Variants in SNTG2 observed in about 807,000 individuals in gnomAD.
SNTG2 encodes the protein gamma-2-syntrophin.
Under a neutral mutation model 70.9 loss-of-function variants are expected in SNTG2, and 74 were observed. The observed-to-expected ratio is 1.04, with a 90% CI of 0.86 to 1.27. The LOEUF (loss-of-function observed/expected upper bound fraction) is 1.27. SNTG2 is among the 50% of genes most tolerant of loss of function. The pLI, the probability that SNTG2 is intolerant of heterozygous loss-of-function variation, is 0.00. For synonymous variants in SNTG2, 278 were observed against 273.8 expected (o/e 1.02, Z -0.15); for missense variants, 717 against 690.7 (o/e 1.04, Z -0.43).
intron 14 of SNTG2, among the ~76,000 whole-genome samples, chr2:1,302,930 C>G (rs1311600436): frequency 6.6e-6 from 1 of 151,964 alleles, no homozygotes; most frequent in Non-Finnish European, 1.5e-5. Context: ...CTCAGTCCAC[C>G]GGGAAGACCC....
chr2:1,054,223 G>A (rs1452842043), intron 1 of SNTG2, among the ~76,000 whole-genome samples: 1 of 152,022 alleles, frequency 6.6e-6, no homozygotes, highest in East Asian at 1.9e-4. Context: ...TCAGGTGGTG[G>A]AAATTGGCCC....
intron 1 of SNTG2, among the ~76,000 whole-genome samples, chr2:971,072 A>G (rs185020325): frequency 6.6e-6 from 1 of 152,214 alleles, no homozygotes; most frequent in Non-Finnish European, 1.5e-5. Flanking sequence ...GGACTTTTGC[A>G]TCTATGTTCA....
At chr2:965,552 C>CTGGTCCTCTTCTG (rs774062961) in intron 1 of SNTG2, among the ~76,000 whole-genome samples, 1,819 of 146,912 alleles carry the variant, frequency 0.012, 36 homozygotes, top group African/African-American at 0.047. Flanking sequence ...CCTTGACCCC[C>CTGGTCCTCTTCTG]TGGTCCTCTT....
At chr2:1,014,430 G>A (rs1401052236) in intron 1 of SNTG2, among the ~76,000 whole-genome samples, 1 of 95,794 alleles carries the variant, frequency 1.0e-5, no homozygotes, top group Non-Finnish European at 2.4e-5. Flanking sequence ...TCTGGAGAGG[G>A]ATTTATATGG....
At chr2:1,301,079 C>T (rs562455516) in intron 14 of SNTG2, among the ~76,000 whole-genome samples, 1 of 152,152 alleles carries the variant, frequency 6.6e-6, no homozygotes, top group South Asian at 2.1e-4. Flanking sequence ...GGCTTTAGAC[C>T]TGCCGAGCTC....
At chr2:1,350,199 G>C (rs1660504854) in intron 16 of SNTG2, among the ~76,000 whole-genome samples, 1 of 152,102 alleles carries the variant, frequency 6.6e-6, no homozygotes, top group Non-Finnish European at 1.5e-5. Flanking sequence ...TTAATGTGTG[G>C]TGATTCCTCA....
intron 1 of SNTG2, among the ~76,000 whole-genome samples, chr2:1,074,258 A>G (rs1002778919): frequency 1.3e-5 from 2 of 152,180 alleles, no homozygotes; most frequent in African/African-American, 4.8e-5. Context: ...GGGTAGGAAC[A>G]CTGCCAAGTA....
chr2:1,083,897 C>A (rs1664509694), intron 2 of SNTG2, among the ~76,000 whole-genome samples: 1 of 152,138 alleles, frequency 6.6e-6, no homozygotes, highest in Non-Finnish European at 1.5e-5. Flanking sequence ...TAAAAAATAG[C>A]CCCAATCCTG....
intron 1 of SNTG2, among the ~76,000 whole-genome samples, chr2:970,567 T>C (rs1236257537): frequency 6.9e-6 from 1 of 144,656 alleles, no homozygotes; most frequent in East Asian, 2.0e-4. Flanking sequence ...TGATTTCCAA[T>C]TTCATCCATG....
intron 1 of SNTG2, among the ~76,000 whole-genome samples, chr2:1,002,569 C>T (rs1278573232): frequency 6.6e-6 from 1 of 151,176 alleles, no homozygotes; most frequent in African/African-American, 2.4e-5. Context: ...TTATACCAGT[C>T]AGAATAGCTA....
intron 1 of SNTG2, among the ~76,000 whole-genome samples, chr2:1,056,328 TGGGGAGGGAGGGAGAGGGCGGCGCCCC>T (rs1161102697): frequency 8.2e-4 from 5 of 6,098 alleles, no homozygotes; most frequent in Admixed American, 2.3e-3. Flanking sequence ...CGCCGTGCTG[TGGGGAGGGAGGGAGAGGGCGGCGCCCC>T]GCTGTGGGGA....
At chr2:991,512 C>T (rs986265486) in intron 1 of SNTG2, among the ~76,000 whole-genome samples, 3 of 152,096 alleles carry the variant, frequency 2.0e-5, no homozygotes, top group Admixed American at 2.0e-4. Context: ...ACTAATCCTC[C>T]TGGCTTATTC....
chr2:1,223,312 A>T (rs941256610), intron 9 of SNTG2, among the ~76,000 whole-genome samples: 1 of 148,140 alleles, frequency 6.8e-6, no homozygotes, highest in African/African-American at 2.5e-5. Flanking sequence ...GAGGTGCTGG[A>T]TCGCTGTAGA....
At chr2:1,283,050 C>T (rs1302543303) in intron 14 of SNTG2, among the ~76,000 whole-genome samples, 1 of 152,206 alleles carries the variant, frequency 6.6e-6, no homozygotes, top group Non-Finnish European at 1.5e-5. Flanking sequence ...GATTTTCAGT[C>T]TTCCATGCAC....
intron 9 of SNTG2, among the ~76,000 whole-genome samples, chr2:1,229,350 T>C (rs1177023462): frequency 6.6e-6 from 1 of 152,096 alleles, no homozygotes; most frequent in Admixed American, 6.5e-5. Flanking sequence ...AAGGCCCCAC[T>C]AGAGTAGCTA....
At chr2:1,314,373 C>G (rs1681169154) in intron 15 of SNTG2, among the ~76,000 whole-genome samples, 1 of 152,248 alleles carries the variant, frequency 6.6e-6, no homozygotes, top group African/African-American at 2.4e-5. Flanking sequence ...TTACCTGAAT[C>G]TAAGGGGCTG....
intron 1 of SNTG2, among the ~76,000 whole-genome samples, chr2:1,005,984 A>AAT (rs1659559712): frequency 2.0e-5 from 3 of 151,018 alleles, no homozygotes; most frequent in African/African-American, 7.3e-5. Flanking sequence ...AATAATTAGC[A>AAT]ATATAGTCTT....
intron 13 of SNTG2, among the ~76,000 whole-genome samples, chr2:1,263,783 G>A (rs1442935575): frequency 1.3e-5 from 2 of 152,186 alleles, no homozygotes; most frequent in African/African-American, 4.8e-5. Context: ...GTGAAGTTAT[G>A]ACAACATTTT....
rs180749698 is a variant in SNTG2, at chr2:1,077,613, T to C, written c.73-5905T>C. Among the ~76,000 whole-genome samples the C allele has an allele frequency of 2.5e-3, 388 of 152,320 alleles. 2 individuals carry two copies. Among genetic ancestry groups the C allele is most frequent in the African/African-American group, 9.0e-3 (372 of 41,554 alleles). On this transcript the variant is annotated intron_variant, in intron 1 of 16. Transcript: ENST00000308624. ...GTTACAGAAAGGTTTTTTATTTCTA[T>C]GTAATGAATCCTTCACTCAAGAACT... is the stretch of plus-strand genomic sequence containing the variant.
Sources: gnomAD v4.1 joint callset for allele counts (sites outside exome capture counted in the v4.1 genomes callset) on GRCh38, gnomAD v4.1.1 for gene constraint, MANE v1.5 for transcripts, NCBI Gene and HGNC (gene_info 2026-07-23, HGNC 2026-07-21) for gene names.